DOC2A: variants seen among roughly 807,000 people sequenced by gnomAD.
DOC2A encodes the protein double C2-like domain-containing protein alpha.
DOC2A carries 28 observed loss-of-function variants against 40.6 expected under a neutral mutation model. The ratio of observed to expected loss-of-function variants is 0.69; its 90% confidence interval spans 0.51 to 0.95. DOC2A has a LOEUF of 0.95. Among genes scored for constraint, DOC2A ranks in the 40% least tolerant of loss-of-function variants. The pLI, the probability that DOC2A is intolerant of heterozygous loss-of-function variation, is 0.00. For missense variants in DOC2A, 474 were observed against 552.5 expected, an observed-to-expected ratio of 0.86 and a Z score of 1.42; for synonymous variants, 241 against 236.9, an observed-to-expected ratio of 1.02 and a Z score of -0.16.
upstream of DOC2A, among the ~76,000 whole-genome samples, chr16:30,011,913 C>G (rs533207196): frequency 6.6e-6 from 1 of 152,244 alleles, no homozygotes; most frequent in East Asian, 1.9e-4. Flanking sequence ...CGGGGCTTGG[C>G]TCTGAAGGTC....
At position 30,009,697 on chromosome 16, in the gene DOC2A, G is replaced by C. The variant is rs989288822; in HGVS notation, c.263-140C>G. ...TGCAAGAGGCTGAGTGGGCCCATGC[G>C]TGTGTGCGTCTGGGTCCCTGGCTCG... On this transcript the variant is annotated intron_variant, in intron 2 of 10. Transcript: ENST00000350119. This position sits in a 1 kb window ranked among gnomAD's most constrained non-coding sequence, Gnocchi z 4.1. The C allele has an allele frequency of 4.4e-6, 4 of 909,196 alleles. No individual in the cohort carries two copies. Among genetic ancestry groups the C allele is most frequent in the East Asian group, 2.6e-5 (1 of 38,044 alleles). 56.3% of individuals were successfully genotyped at this position (909,196 alleles called of 1,614,324 possible). A position where few individuals can be genotyped will look rare whatever the true frequency, so the allele number is the denominator to read the frequency against.
At chr16:30,007,465 C>T (rs2070651599) in intron 5 of DOC2A, 166 bp from the exon 6 acceptor site, 8 of 864,072 alleles carry the variant, frequency 9.3e-6, no homozygotes, top group Non-Finnish European at 1.5e-5. Context: ...CTCTGTCCCT[C>T]CCTCTGCAGC....
At chr16:30,011,088 G>C (rs2070767854), upstream of DOC2A, 1 of 949,712 alleles carries the variant, frequency 1.1e-6, no homozygotes, top group South Asian at 4.8e-5. Context: ...GCGGGGGACG[G>C]GGAGGGGCGC....
chr16:30,006,610 G>C lies in DOC2A; in HGVS notation c.946C>G (p.Pro316Ala). 6.2e-7 allele frequency: 1 copy of C among 1,613,664 alleles called. No homozygotes were observed. Among genetic ancestry groups the C allele is most frequent in the South Asian group, 1.1e-5 (1 of 91,050 alleles). ...KTCVKKKTLN[P>A]EFNEEFFYEI... is the part of the protein sequence containing the mutation. Reference sequence around the variant, plus strand: ...CTCCTGGGTACCTCGTTAAATTCTGGGTTGAGAGTCTTCTTCTTCACACAC... The same window carrying C: ...CTCCTGGGTACCTCGTTAAATTCTGCGTTGAGAGTCTTCTTCTTCACACAC... The change falls in exon 9 of 11, where the codon CCA becomes GCA. Residue 316 changes from proline to alanine, a missense_variant. By Grantham distance (27) the Pro-to-Ala change is conservative. Coordinates refer to ENST00000350119, the MANE Select transcript of DOC2A (RefSeq NM_003586.3). The surrounding 1 kb of genome is among the most constrained non-coding windows in gnomAD (Gnocchi z 6.2).
At chr16:30,017,246 T>C (rs1249462724), upstream of DOC2A, among the ~76,000 whole-genome samples, 1 of 147,054 alleles carries the variant, frequency 6.8e-6, no homozygotes, top group African/African-American at 2.5e-5. Flanking sequence ...GCCACTGTAC[T>C]CCAGCCTGAG....
intron 5 of DOC2A, chr16:30,007,548 T>C: frequency 3.6e-6 from 2 of 554,158 alleles, no homozygotes; most frequent in East Asian, 6.5e-5. Context: ...TGGAGCACGC[T>C]GCTCACTGCC....
rs887032217 is a variant in DOC2A, at chr16:30,006,093, G to A, written c.*93C>T. ...CAAAAATAGGTAGTGCAGGGTGGGG[G>A]CAGCCCACCCTGTGTAAACGTGCAA... On this transcript the variant is annotated 3_prime_UTR_variant, in exon 11 of 11. Coordinates refer to ENST00000350119, the MANE Select transcript of DOC2A (RefSeq NM_003586.3). The surrounding 1 kb of genome is among the most constrained non-coding windows in gnomAD (Gnocchi z 6.2). The A allele has an allele frequency of 9.3e-6, 13 of 1,392,930 alleles. No individual in the cohort carries two copies. The highest frequency in any genetic ancestry group is 2.9e-5 in the African/African-American group (2 of 69,594). 86.3% of individuals were successfully genotyped at this position (1,392,930 alleles called of 1,614,324 possible). A position where few individuals can be genotyped will look rare whatever the true frequency, so the allele number is the denominator to read the frequency against.
upstream of DOC2A, among the ~76,000 whole-genome samples, chr16:30,014,007 G>A (rs1245362439): frequency 1.3e-5 from 2 of 151,958 alleles, no homozygotes; most frequent in African/African-American, 2.4e-5. Context: ...GAGCCACCGC[G>A]CCTGGCCATG....
chr16:30,011,340 T>C, upstream of DOC2A: 3 of 983,786 alleles, frequency 3.0e-6, no homozygotes, highest in African/African-American at 1.8e-5. Flanking sequence ...CCGGAGAACT[T>C]CGCACACACA....
chr16:30,011,559 T>G (rs2070781348), upstream of DOC2A: 11 of 261,644 alleles, frequency 4.2e-5, no homozygotes, highest in East Asian at 2.3e-4. Flanking sequence ...CCCCCGCGCG[T>G]CTTCACGCCC....
intron 1 of DOC2A, among the ~76,000 whole-genome samples, chr16:30,019,162 T>A: frequency 6.6e-6 from 1 of 151,848 alleles, no homozygotes; most frequent in Non-Finnish European, 1.5e-5. Context: ...TACTAAAAAT[T>A]AAAAAATTAG....
Position 30,010,366 on chromosome 16 carries a change from T to A in DOC2A, c.-13-131A>T. 7.6e-7 allele frequency: 1 copy of A among 1,317,140 alleles called. No homozygotes were observed. The highest frequency in any genetic ancestry group is 1.1e-6 in the Non-Finnish European group (1 of 934,942). The allele number at this position is 1,317,140 out of a possible 1,614,324, so 81.6% of individuals were successfully genotyped here. A position where few individuals can be genotyped will look rare whatever the true frequency, so the allele number is the denominator to read the frequency against. On this transcript the variant is annotated intron_variant, in intron 1 of 10. Transcript: ENST00000350119. The surrounding 1 kb of genome is among the most constrained non-coding windows in gnomAD (Gnocchi z 4.2). ...CTAGGTGTCGAGGGAGAGGGTGGTG[T>A]GTGCCAGCCGGTGGCAGGTGGGAGG... is the stretch of plus-strand genomic sequence containing the variant.
Position 30,010,014 on chromosome 16 carries a change from G to T in DOC2A, c.209C>A (p.Ala70Asp). The change falls in exon 2 of 11, where the codon GCC (alanine) becomes GAC (aspartate). Residue 70 changes from alanine to aspartate, a missense_variant. Coordinates refer to ENST00000350119, the MANE Select transcript of DOC2A (RefSeq NM_003586.3). This position sits in a 1 kb window ranked among gnomAD's most constrained non-coding sequence, Gnocchi z 4.2. ...CTCCGCACCATCCTCAGGCGTGGTGGCCCCAAGGAGGGCTGCAGGGGGGGC... is the reference window on the plus strand; with the variant it reads ...CTCCGCACCATCCTCAGGCGTGGTGTCCCCAAGGAGGGCTGCAGGGGGGGC... ...ALAPPAALLG[A>D]TTPEDGAEVD... 3 of 1,612,182 alleles carry T rather than the reference G, an allele frequency of 1.9e-6. No individual in the cohort carries two copies. The highest frequency in any genetic ancestry group is 2.5e-6 in the Non-Finnish European group (3 of 1,179,856).
At chr16:30,011,502 G>T (rs1259594064), upstream of DOC2A, 3 of 803,260 alleles carry the variant, frequency 3.7e-6, no homozygotes, top group Non-Finnish European at 4.5e-6. Context: ...CCCCAAGGCC[G>T]GACCACCGGC....
At position 30,006,943 on chromosome 16, in the gene DOC2A, C is replaced by T. The variant is rs756257030; in HGVS notation, c.720G>A (p.Glu240=). 7.5e-5 allele frequency: 121 copies of T among 1,613,422 alleles called. No individual in the cohort carries two copies. The highest frequency in any genetic ancestry group is 1.0e-4 in the Non-Finnish European group (119 of 1,179,734). Residue 240 remains glutamate, a synonymous_variant, in exon 8 of 11, where the codon GAG becomes GAA. Coordinates refer to ENST00000350119, the MANE Select transcript of DOC2A (RefSeq NM_003586.3). The surrounding 1 kb of genome is among the most constrained non-coding windows in gnomAD (Gnocchi z 6.2). ...GCAGCCCCTGCCCCTGCTCCGCCTG[C>T]TCCAACTGCGGGGCACAGACTCAGG... ...RGISCYLKEL[E]QAEQGQGLLE...
chr16:30,005,972 T>G lies in DOC2A; in HGVS notation c.*214A>C. 1.6e-6 allele frequency: 1 copy of G among 621,412 alleles called. No homozygotes were observed. The highest frequency in any genetic ancestry group is 3.0e-5 in the Admixed American group (1 of 33,244). 38.5% of individuals were successfully genotyped at this position (621,412 alleles called of 1,614,324 possible). A position where few individuals can be genotyped will look rare whatever the true frequency, so the allele number is the denominator to read the frequency against. Reference sequence around the variant, plus strand: ...TGCAGATGATGGGGGGTTTGCATATTTGCAGGGACTAGCGAGTCAGGCAGG... The same window carrying G: ...TGCAGATGATGGGGGGTTTGCATATGTGCAGGGACTAGCGAGTCAGGCAGG... On this transcript the variant is annotated 3_prime_UTR_variant, in exon 11 of 11. Coordinates refer to ENST00000350119, the MANE Select transcript of DOC2A (RefSeq NM_003586.3).
Position 30,005,537 on chromosome 16 carries a change from C to G in DOC2A, c.*649G>C, listed in dbSNP as rs2070546852. 1 of 1,169,242 alleles carries G rather than the reference C, an allele frequency of 8.6e-7. No individual in the cohort carries two copies. The highest frequency in any genetic ancestry group is 2.7e-5 in the East Asian group (1 of 37,102). 72.4% of individuals were successfully genotyped at this position (1,169,242 alleles called of 1,614,324 possible). A position where few individuals can be genotyped will look rare whatever the true frequency, so the allele number is the denominator to read the frequency against. On this transcript the variant is annotated 3_prime_UTR_variant, in exon 11 of 11. Coordinates refer to ENST00000350119, the MANE Select transcript of DOC2A (RefSeq NM_003586.3). ...GCTTCCTCGGAGGTGTTTATTGATG[C>G]CCAGCTGCCATGCTCCGGCCACTGA... is the stretch of plus-strand genomic sequence containing the variant.
intron 6 of DOC2A, 37 bp downstream of exon 6, chr16:30,007,136 C>G (rs371218364): frequency 7.7e-5 from 124 of 1,613,560 alleles, no homozygotes; most frequent in Non-Finnish European, 9.4e-5. Flanking sequence ...CTCCCCAGGG[C>G]CCCCTCCCCT....
At chr16:30,017,290 A>C (rs556362754), upstream of DOC2A, among the ~76,000 whole-genome samples, 3 of 152,094 alleles carry the variant, frequency 2.0e-5, no homozygotes, top group East Asian at 5.8e-4. Flanking sequence ...AAAAAAAAAA[A>C]AAAGAGAAAA....
Sources: gnomAD v4.1 joint callset for allele counts (sites outside exome capture counted in the v4.1 genomes callset) on GRCh38, gnomAD v4.1.1 for gene constraint, Gnocchi (gnomAD v3.1) non-coding constraint, MANE v1.5 for transcripts, NCBI Gene and HGNC (gene_info 2026-07-23, HGNC 2026-07-21) for gene names.